SGMS1: variants seen among roughly 807,000 people sequenced by gnomAD.
SGMS1 encodes the protein phosphatidylcholine:ceramide cholinephosphotransferase 1.
In SGMS1, 13 loss-of-function variants were observed where a neutral mutation model predicts 46.2. The observed-to-expected ratio is 0.28, with a 90% CI of 0.18 to 0.45. The LOEUF (loss-of-function observed/expected upper bound fraction) is 0.45. SGMS1 is among the 20% of genes least tolerant of loss of function. The probability of loss-of-function intolerance (pLI) is 1.00; values close to 1 mark genes in which losing one functional copy is unlikely to be tolerated. For missense variants in SGMS1, 324 were observed against 519.9 expected, an observed-to-expected ratio of 0.62 and a Z score of 3.66; for synonymous variants, 203 against 187.8, an observed-to-expected ratio of 1.08 and a Z score of -0.66.
chr10:50,619,755 G>A (rs1838832039), intron 1 of SGMS1, among the ~76,000 whole-genome samples: 1 of 152,232 alleles, frequency 6.6e-6, no homozygotes, highest in Non-Finnish European at 1.5e-5. Flanking sequence ...ACATCATTAA[G>A]GGAGTAGATC....
At chr10:50,516,104 C>T (rs1033092952) in intron 3 of SGMS1, among the ~76,000 whole-genome samples, 22 of 152,066 alleles carry the variant, frequency 1.4e-4, no homozygotes, top group African/African-American at 5.1e-4. Context: ...TCTGTGTAGC[C>T]TCTAAAAACA....
At chr10:50,325,348 T>C (rs1847514347) in intron 8 of SGMS1, among the ~76,000 whole-genome samples, 2 of 152,214 alleles carry the variant, frequency 1.3e-5, no homozygotes, top group African/African-American at 2.4e-5. Flanking sequence ...TAATTAGATT[T>C]AATGAGTTTT....
intron 3 of SGMS1, among the ~76,000 whole-genome samples, chr10:50,471,337 G>C (rs1279159041): frequency 6.6e-6 from 1 of 152,144 alleles, no homozygotes; most frequent in Non-Finnish European, 1.5e-5. Context: ...TTCCCTGAAG[G>C]AGCTCAGTTT....
intron 6 of SGMS1, among the ~76,000 whole-genome samples, chr10:50,358,203 GAA>G (rs202060947): frequency 0.14 from 21,335 of 152,088 alleles, 1,703 homozygotes; most frequent in African/African-American, 0.21. Flanking sequence ...ACTTTACTCT[GAA>G]AGCTTACAGT....
intron 3 of SGMS1, among the ~76,000 whole-genome samples, chr10:50,495,841 T>C (rs1001643959): frequency 1.3e-5 from 2 of 151,836 alleles, no homozygotes; most frequent in African/African-American, 4.8e-5. Context: ...ATAGAACATA[T>C]ATGGAAAAAT....
At chr10:50,532,004 C>T (rs1190679284) in intron 2 of SGMS1, among the ~76,000 whole-genome samples, 1 of 152,188 alleles carries the variant, frequency 6.6e-6, no homozygotes, top group African/African-American at 2.4e-5. Context: ...CATATGCACA[C>T]AGAAGGCCCT....
intron 7 of SGMS1, among the ~76,000 whole-genome samples, chr10:50,336,711 T>C (rs527390919): frequency 1.3e-5 from 2 of 152,262 alleles, no homozygotes; most frequent in African/African-American, 4.8e-5. Context: ...ATTTATAGAC[T>C]GGATGTATAA....
rs572806740 is a variant in SGMS1 at position 50,564,389 on chromosome 10, G to A, written c.-589+25764C>T. On this transcript the variant is annotated intron_variant, in intron 2 of 10. Coordinates refer to ENST00000361781, the MANE Select transcript of SGMS1 (RefSeq NM_147156.4). ...TTGTTTTATATTCTTTAAACTGCGCGACATTGTTTAAAGGCACCTGCAATA... is the reference window on the plus strand; with the variant it reads ...TTGTTTTATATTCTTTAAACTGCGCAACATTGTTTAAAGGCACCTGCAATA... Among the ~76,000 whole-genome samples, 5 of 152,236 alleles carry A rather than the reference G, an allele frequency of 3.3e-5. No individual in the cohort carries two copies. In the South Asian group the frequency reaches 8.3e-4, roughly 25 times the overall value.
At chr10:50,479,880 C>T (rs1489019614) in intron 3 of SGMS1, among the ~76,000 whole-genome samples, 3 of 152,140 alleles carry the variant, frequency 2.0e-5, no homozygotes, top group Non-Finnish European at 4.4e-5. Flanking sequence ...ATTTCTACAA[C>T]TGAAGTACAT....
intron 6 of SGMS1, among the ~76,000 whole-genome samples, chr10:50,401,642 C>T (rs1219306695): frequency 1.3e-5 from 2 of 152,186 alleles, no homozygotes; most frequent in Non-Finnish European, 2.9e-5. Context: ...ATACCCCCCA[C>T]CAAAAGCTCC....
intron 3 of SGMS1, among the ~76,000 whole-genome samples, chr10:50,493,611 C>T (rs2133743102): frequency 6.6e-6 from 1 of 151,604 alleles, no homozygotes; most frequent in East Asian, 1.9e-4. Context: ...GGAACTTAAA[C>T]AAATTTACAA....
chr10:50,623,329 G>T (rs527984975), intron 1 of SGMS1, among the ~76,000 whole-genome samples: 40 of 152,214 alleles, frequency 2.6e-4, no homozygotes, highest in African/African-American at 9.1e-4. Flanking sequence ...CTGCCCAAAG[G>T]CTCCCCGCCT....
chr10:50,580,059 T>C (rs1182633299), intron 2 of SGMS1, among the ~76,000 whole-genome samples: 1 of 152,166 alleles, frequency 6.6e-6, no homozygotes, highest in Non-Finnish European at 1.5e-5. Context: ...AAGACACAAT[T>C]ACTAAATCCA....
intron 2 of SGMS1, among the ~76,000 whole-genome samples, chr10:50,525,096 A>T (rs1238312725): frequency 6.6e-6 from 1 of 152,246 alleles, no homozygotes; most frequent in African/African-American, 2.4e-5. Flanking sequence ...GAGAAAAAGC[A>T]TTAAATCAAA....
chr10:50,506,978 C>T (rs1837712305), intron 3 of SGMS1, among the ~76,000 whole-genome samples: 1 of 152,182 alleles, frequency 6.6e-6, no homozygotes, highest in Non-Finnish European at 1.5e-5. Context: ...CCATTACAAC[C>T]CATTGTTCTA....
intron 6 of SGMS1, among the ~76,000 whole-genome samples, chr10:50,372,830 T>G (rs1000440508): frequency 6.6e-6 from 1 of 152,174 alleles, no homozygotes; most frequent in African/African-American, 2.4e-5. Context: ...GGTAAAAAAT[T>G]TCTTAAATAT....
chr10:50,431,369 G>C (rs1054509413), intron 6 of SGMS1, among the ~76,000 whole-genome samples: 11 of 152,290 alleles, frequency 7.2e-5, no homozygotes, highest in Middle Eastern at 3.4e-3. Flanking sequence ...ACAAGCAAAT[G>C]TTTTGAAATA....
chr10:50,620,162 C>T (rs1291156343), intron 1 of SGMS1, among the ~76,000 whole-genome samples: 1 of 152,270 alleles, frequency 6.6e-6, no homozygotes, highest in Non-Finnish European at 1.5e-5. Context: ...CCTTTCTTCA[C>T]TCTCTCCTCC....
intron 1 of SGMS1, among the ~76,000 whole-genome samples, chr10:50,621,061 A>G (rs1186677901): frequency 6.6e-6 from 1 of 152,150 alleles, no homozygotes; most frequent in Admixed American, 6.5e-5. Context: ...GTGTAGTCCC[A>G]GCTACTCGGG....
Sources: gnomAD v4.1 joint callset for allele counts (sites outside exome capture counted in the v4.1 genomes callset) on GRCh38, gnomAD v4.1.1 for gene constraint, MANE v1.5 for transcripts, NCBI Gene and HGNC (gene_info 2026-07-23, HGNC 2026-07-21) for gene names.